Variants in FGD2 observed in about 807,000 individuals in gnomAD.
FGD2 encodes FYVE, RhoGEF and PH domain-containing protein 2.
A neutral mutation model predicts 75.9 loss-of-function variants in FGD2; 52 were observed. That is an observed-to-expected ratio of 0.69 (90% CI 0.55 to 0.86). The LOEUF is 0.86. Among genes scored for constraint, FGD2 ranks in the 40% least tolerant of loss-of-function variants. The pLI, the probability that FGD2 is intolerant of heterozygous loss-of-function variation, is 0.00. For missense variants in FGD2, 790 were observed against 872.0 expected, an observed-to-expected ratio of 0.91 and a Z score of 1.18; for synonymous variants, 347 against 348.6, an observed-to-expected ratio of 1.00 and a Z score of 0.05.
Position 37,020,748 on chromosome 6 carries a change from A to G in FGD2, c.1233+9A>G. The G allele has an allele frequency of 6.4e-7, 1 of 1,563,822 alleles. No individual in the cohort carries two copies. Among genetic ancestry groups the G allele is most frequent in the Non-Finnish European group, 8.7e-7 (1 of 1,152,700 alleles). On this transcript the variant is annotated intron_variant, in intron 11 of 15. Coordinates refer to ENST00000274963, the MANE Select transcript of FGD2 (RefSeq NM_173558.4). Reference sequence around the variant, plus strand: ...TGATTTCCTGGATGCAGGTATGGGAACGCTCCGAGGCTTCTGGGAGTCTTT... The same window carrying G: ...TGATTTCCTGGATGCAGGTATGGGAGCGCTCCGAGGCTTCTGGGAGTCTTT...
intron 13 of FGD2, chr6:37,023,360 C>T (rs569049780): frequency 2.6e-5 from 4 of 154,238 alleles, no homozygotes; most frequent in African/African-American, 9.6e-5. Flanking sequence ...TTTCCCCCTC[C>T]TCCATAACTC....
In FGD2 at chr6:37,028,357, C is replaced by T. The variant is rs533228332; in HGVS notation, c.*194C>T. 3.3e-4 allele frequency: 186 copies of T among 559,074 alleles called. No individual in the cohort carries two copies. Among genetic ancestry groups the T allele is most frequent in the African/African-American group, 3.3e-3 (175 of 53,684 alleles). The allele number at this position is 559,074 out of a possible 1,614,324, so 34.6% of individuals were successfully genotyped here. ...GGTCCATTCCTTTCTAGAAAGGGGACAACCAAGTGTCTCAGTTTGCCTTGC... is the reference window on the plus strand; with the variant it reads ...GGTCCATTCCTTTCTAGAAAGGGGATAACCAAGTGTCTCAGTTTGCCTTGC... On this transcript the variant is annotated 3_prime_UTR_variant, in exon 16 of 16. Transcript: ENST00000274963.
At chr6:37,007,554 G>A (rs150529837) in intron 1 of FGD2, among the ~76,000 whole-genome samples, 45 of 152,332 alleles carry the variant, frequency 3.0e-4, no homozygotes, top group South Asian at 1.4e-3. Flanking sequence ...GCCCTTAGAC[G>A]GGAGTTAGGT....
intron 12 of FGD2, 85 bp downstream of exon 12, chr6:37,021,689 G>A (rs1765599240): frequency 3.4e-6 from 4 of 1,190,834 alleles, no homozygotes; most frequent in African/African-American, 1.5e-5. Context: ...TACCAGCTCA[G>A]AGGGAGAGGG....
chr6:37,022,172 C>T, intron 12 of FGD2, 67 bp from the exon 13 acceptor site: 1 of 1,540,268 alleles, frequency 6.5e-7, no homozygotes, highest in Non-Finnish European at 8.8e-7. Context: ...GGGCCCCAGG[C>T]CCTGGGAGGA....
intron 4 of FGD2, among the ~76,000 whole-genome samples, chr6:37,012,775 T>A (rs1765074143): frequency 2.0e-5 from 3 of 148,688 alleles, no homozygotes; most frequent in Admixed American, 2.0e-4. Flanking sequence ...TCGCCTGCCA[T>A]CATTCCAATT....
At chr6:37,010,194 C>T (rs934799642) in intron 2 of FGD2, among the ~76,000 whole-genome samples, 1 of 152,124 alleles carries the variant, frequency 6.6e-6, no homozygotes, top group African/African-American at 2.4e-5. Flanking sequence ...TTTATTTTCT[C>T]ACAGTGCTGG....
intron 15 of FGD2, 32 bp downstream of exon 15, chr6:37,027,607 G>A: frequency 1.2e-6 from 2 of 1,612,526 alleles, no homozygotes; most frequent in African/African-American, 1.3e-5. Context: ...CCCCCGTCAG[G>A]CCCTGGCCTT....
rs1764732994 is a variant in FGD2, at chr6:37,006,031, A to C, written c.68+146A>C. The C allele has an allele frequency of 3.3e-6, 3 of 907,278 alleles. No individual in the cohort carries two copies. In the African/African-American group the frequency reaches 4.9e-5, roughly 15 times the overall value. 56.2% of individuals were successfully genotyped at this position (907,278 alleles called of 1,614,324 possible). A position where few individuals can be genotyped will look rare whatever the true frequency, so the allele number is the denominator to read the frequency against. Reference sequence around the variant, plus strand: ...TCCTCGGTCACGGATTCCTTGGAGCATGGGAGAGTGTCGGTGGGACACCAG... The same window carrying C: ...TCCTCGGTCACGGATTCCTTGGAGCCTGGGAGAGTGTCGGTGGGACACCAG... On this transcript the variant is annotated intron_variant, in intron 1 of 15. Transcript: ENST00000274963.
At chr6:37,012,079 C>G (rs1022897744) in intron 4 of FGD2, 1 of 499,230 alleles carries the variant, frequency 2.0e-6, no homozygotes, top group Non-Finnish European at 3.4e-6. Context: ...GGATCAGGTC[C>G]TGGCCAAGCC....
At chr6:37,008,303 C>T (rs985870800) in intron 1 of FGD2, among the ~76,000 whole-genome samples, 13 of 152,154 alleles carry the variant, frequency 8.5e-5, no homozygotes, top group Middle Eastern at 3.2e-3. Flanking sequence ...AGGTGACCTA[C>T]GAAGGCCCGT....
chr6:37,014,218 C>A, intron 6 of FGD2, 118 bp downstream of exon 6: 1 of 1,218,402 alleles, frequency 8.2e-7, no homozygotes, highest in Non-Finnish European at 1.1e-6. Flanking sequence ...CAACCACTGG[C>A]ACTTCATAGA....
At chr6:37,020,520 T>C (rs767852638) in intron 9 of FGD2, 21 bp from the exon 10 acceptor site, 33 of 1,593,194 alleles carry the variant, frequency 2.1e-5, no homozygotes, top group Non-Finnish European at 2.6e-5. Context: ...TCTGAACTGG[T>C]TGCCTCCCTC....
At chr6:37,020,322 TC>T (rs34570179) in intron 9 of FGD2, among the ~76,000 whole-genome samples, 99,588 of 152,120 alleles carry the variant, frequency 0.65, 33,727 homozygotes, top group East Asian at 0.89. Flanking sequence ...CTGCTAAAAT[TC>T]CAGGAGCCAT....
rs75327464 is a variant in FGD2, at chr6:37,015,549, C to T, written c.1030-219C>T. Among the ~76,000 whole-genome samples the T allele has an allele frequency of 4.2e-3, 645 of 152,230 alleles. 3 individuals carry two copies. The highest frequency in any genetic ancestry group is 7.3e-3 in the Non-Finnish European group (499 of 67,986). ...CTGCTATGGTCCCTTGTAGGGTGAC[C>T]CTTCAGTAACCATCCTAGGGGAATT... On this transcript the variant is annotated intron_variant, in intron 8 of 15. Coordinates refer to ENST00000274963, the MANE Select transcript of FGD2 (RefSeq NM_173558.4).
chr6:37,022,463 C>G (rs73409477), intron 13 of FGD2, 93 bp downstream of exon 13: 2 of 1,455,548 alleles, frequency 1.4e-6, no homozygotes, highest in African/African-American at 3.0e-5. Context: ...CCTAGGCCTC[C>G]GCTTGATCCA....
At chr6:37,024,357 T>C (rs1360466412) in intron 13 of FGD2, 1 of 152,020 alleles carries the variant, frequency 6.6e-6, no homozygotes, top group East Asian at 1.9e-4. Flanking sequence ...ATAAAAATAA[T>C]AATATTGTAT....
intron 11 of FGD2, among the ~76,000 whole-genome samples, chr6:37,021,155 CGTGT>C (rs945584410): frequency 1.4e-5 from 2 of 147,026 alleles, no homozygotes; most frequent in Non-Finnish European, 3.0e-5. Flanking sequence ...TGTGTGCGTG[CGTGT>C]GTGTGTGTGC....
intron 1 of FGD2, among the ~76,000 whole-genome samples, chr6:37,007,113 G>T (rs1211689163): frequency 6.6e-6 from 1 of 152,204 alleles, no homozygotes; most frequent in Non-Finnish European, 1.5e-5. Context: ...GCACAGCACA[G>T]CATCCTACAG....
Sources: allele counts gnomAD v4.1 joint callset (sites outside exome capture counted in the v4.1 genomes callset), GRCh38; gene constraint gnomAD v4.1.1; transcripts MANE v1.5; gene names NCBI Gene and HGNC (gene_info 2026-07-23, HGNC 2026-07-21).